Variants in FRMD5 observed in about 807,000 individuals in gnomAD.
FRMD5 encodes the protein FERM domain containing 5.
Under a neutral mutation model 69.0 loss-of-function variants are expected in FRMD5, and 20 were observed. The ratio of observed to expected loss-of-function variants is 0.29; its 90% CI spans 0.20 to 0.42. The LOEUF (loss-of-function observed/expected upper bound fraction) is 0.42, where lower values mean the gene tolerates loss of function less well. Ranked by LOEUF, FRMD5 falls within the 10% of genes least tolerant of loss-of-function variation. The pLI is 1.00. For missense variants in FRMD5, 595 were observed against 708.6 expected, an observed-to-expected ratio of 0.84 and a Z score of 1.82; for synonymous variants, 271 against 260.1, an observed-to-expected ratio of 1.04 and a Z score of -0.40.
chr15:44,035,467 A>ATGTGGC (rs1891866789), intron 1 of FRMD5, among the ~76,000 whole-genome samples: 1 of 152,188 alleles, frequency 6.6e-6, no homozygotes, highest in East Asian at 1.9e-4. Flanking sequence ...AGTCAAACAC[A>ATGTGGC]CAGTATCCTG....
chr15:43,932,368 G>A (rs887394822), intron 1 of FRMD5, among the ~76,000 whole-genome samples: 15 of 152,224 alleles, frequency 9.9e-5, no homozygotes, highest in South Asian at 8.3e-4. Flanking sequence ...ACAAATCTGC[G>A]TCTTCTTCTT....
chr15:43,939,807 T>C (rs1313912175), intron 1 of FRMD5, among the ~76,000 whole-genome samples: 3 of 151,964 alleles, frequency 2.0e-5, no homozygotes, highest in Admixed American at 2.0e-4. Context: ...GTGATCCACT[T>C]ACCTCAGCCT....
intron 1 of FRMD5, among the ~76,000 whole-genome samples, chr15:44,128,614 A>T (rs2077055648): frequency 6.6e-6 from 1 of 152,214 alleles, no homozygotes; most frequent in Admixed American, 6.5e-5. Context: ...ATCATTGAGT[A>T]GGTTAGGGTA....
At chr15:43,956,070 T>C (rs1373015007) in intron 1 of FRMD5, among the ~76,000 whole-genome samples, 3 of 152,240 alleles carry the variant, frequency 2.0e-5, no homozygotes, top group African/African-American at 7.2e-5. Context: ...ATAATTTGAA[T>C]ATGATTCTAT....
intron 7 of FRMD5, among the ~76,000 whole-genome samples, chr15:43,899,964 T>C (rs2089005225): frequency 6.7e-6 from 1 of 148,944 alleles, no homozygotes; most frequent in African/African-American, 2.5e-5. Context: ...TGCCCATCTC[T>C]GTGTCTTTTC....
chr15:44,182,029 G>C (rs1330497963), intron 1 of FRMD5, among the ~76,000 whole-genome samples: 1 of 82,636 alleles, frequency 1.2e-5, no homozygotes, highest in African/African-American at 4.2e-5. Flanking sequence ...TTTTTTTTTT[G>C]AAACGGAGTC....
intron 1 of FRMD5, among the ~76,000 whole-genome samples, chr15:44,072,536 A>C (rs1893586143): frequency 6.6e-6 from 1 of 152,230 alleles, no homozygotes; most frequent in South Asian, 2.1e-4. Context: ...CAATTTAACC[A>C]GCTTTAAAAT....
intron 1 of FRMD5, among the ~76,000 whole-genome samples, chr15:44,170,927 A>G (rs2077791493): frequency 6.6e-6 from 1 of 152,228 alleles, no homozygotes; most frequent in Non-Finnish European, 1.5e-5. Flanking sequence ...TCCATTTATA[A>G]TATTTTAGAA....
intron 1 of FRMD5, among the ~76,000 whole-genome samples, chr15:44,169,043 A>G (rs2077756942): frequency 6.6e-6 from 1 of 152,168 alleles, no homozygotes; most frequent in Admixed American, 6.6e-5. Context: ...ATCATTGGTC[A>G]CAGGCCCTGA....
intron 1 of FRMD5, among the ~76,000 whole-genome samples, chr15:44,178,575 G>A (rs2077940955): frequency 6.6e-6 from 1 of 152,140 alleles, no homozygotes; most frequent in African/African-American, 2.4e-5. Context: ...TGGAATTCGG[G>A]ATCAATGTTA....
intron 1 of FRMD5, among the ~76,000 whole-genome samples, chr15:43,947,962 G>C (rs953974893): frequency 3.7e-4 from 55 of 150,262 alleles, no homozygotes; most frequent in African/African-American, 1.2e-3. Context: ...GAATAAGAGG[G>C]GTAGGGAGAG....
At chr15:44,117,005 T>C (rs2076878602) in intron 1 of FRMD5, among the ~76,000 whole-genome samples, 1 of 151,506 alleles carries the variant, frequency 6.6e-6, no homozygotes, top group East Asian at 1.9e-4. Context: ...GGGCGTGGTC[T>C]GAGGCAGGAA....
intron 1 of FRMD5, among the ~76,000 whole-genome samples, chr15:43,939,316 T>A (rs1185367737): frequency 6.6e-6 from 1 of 152,130 alleles, no homozygotes; most frequent in African/African-American, 2.4e-5. Context: ...ATATACAACC[T>A]CTCTATATTC....
intron 1 of FRMD5, among the ~76,000 whole-genome samples, chr15:43,951,295 A>G (rs943670305): frequency 3.3e-5 from 5 of 151,626 alleles, no homozygotes; most frequent in South Asian, 2.1e-4. Context: ...GGTGGCGGGC[A>G]CCTGTAGTCC....
intron 1 of FRMD5, among the ~76,000 whole-genome samples, chr15:43,988,292 T>C (rs1336247026): frequency 2.6e-5 from 4 of 151,584 alleles, no homozygotes; most frequent in Non-Finnish European, 1.5e-5. Context: ...GTCTCCAGAA[T>C]TGAGGCAAGA....
At chr15:44,081,042 C>T (rs1232087158) in intron 1 of FRMD5, among the ~76,000 whole-genome samples, 1 of 151,822 alleles carries the variant, frequency 6.6e-6, no homozygotes, top group East Asian at 1.9e-4. Flanking sequence ...GCATACCTAC[C>T]CCACTGAGGA....
rs757048442 is a variant in FRMD5 at position 43,874,398 on chromosome 15, G to C, written c.1200C>G (p.Thr400=). 2 of 1,614,192 alleles carry C rather than the reference G, an allele frequency of 1.2e-6. No individual in the cohort carries two copies. The highest frequency in any genetic ancestry group is 1.7e-6 in the Non-Finnish European group (2 of 1,180,034). The change falls in exon 14 of 14, where the codon ACC becomes ACG. Residue 400 remains threonine (T), a synonymous_variant. Coordinates refer to ENST00000417257, the MANE Select transcript of FRMD5 (RefSeq NM_032892.5). ...GGCTGCTTCTCACGTGAGGCAGGAA[G>C]GTGTCCCCATGGGAAGTGGAACGCA... is the stretch of plus-strand genomic sequence containing the variant. The part of the protein sequence containing the change: ...TPVRSTSHGD[T]FLPHVRSSRT...
intron 1 of FRMD5, among the ~76,000 whole-genome samples, chr15:44,117,991 CTTTTTTTTTTT>C (rs747747488): frequency 4.3e-5 from 4 of 92,610 alleles, no homozygotes; most frequent in Admixed American, 2.2e-4. Flanking sequence ...TTCTTTTTTA[CTTTTTTTTTTT>C]TTTTTTTTTT....
chr15:44,194,724 G>T, intron 1 of FRMD5: 1 of 635,386 alleles, frequency 1.6e-6, no homozygotes, highest in Non-Finnish European at 2.8e-6. Context: ...TTAGGGGTGT[G>T]GGACGCGGAG....
Sources: allele counts gnomAD v4.1 joint callset (sites outside exome capture counted in the v4.1 genomes callset), GRCh38; gene constraint gnomAD v4.1.1; transcripts MANE v1.5; gene names NCBI Gene and HGNC (gene_info 2026-07-23, HGNC 2026-07-21).